Variants in IARS1 observed in about 807,000 individuals in gnomAD.
The protein encoded by IARS1 is isoleucyl-tRNA synthetase 1, also known as isoleucine--tRNA ligase, cytoplasmic.
In IARS1, 124 loss-of-function variants were observed where a neutral mutation model predicts 168.2. The ratio of observed to expected loss-of-function variants is 0.74; its 90% CI spans 0.64 to 0.86. IARS1 has a LOEUF of 0.86. IARS1 is among the 40% of genes least tolerant of loss of function. The pLI, the probability that IARS1 is intolerant of heterozygous loss-of-function variation, is 0.00. For missense variants in IARS1, 1,452 were observed against 1,515.8 expected (o/e 0.96, Z 0.70); for synonymous variants, 532 against 529.4 (o/e 1.00, Z -0.07).
chr9:92,263,299 G>A (rs1319756593), intron 16 of IARS1, among the ~76,000 whole-genome samples: 1 of 152,182 alleles, frequency 6.6e-6, no homozygotes, highest in East Asian at 1.9e-4. Flanking sequence ...AGAGCTCCCA[G>A]GAAGTCTGTG....
intron 16 of IARS1, among the ~76,000 whole-genome samples, chr9:92,264,647 C>CT (rs747252571): frequency 1.2e-4 from 19 of 152,228 alleles, no homozygotes; most frequent in South Asian, 1.2e-3. Context: ...GAACACATAA[C>CT]TTTTTTTATC....
At chr9:92,222,308 T>C (rs2133396639) in intron 33 of IARS1, among the ~76,000 whole-genome samples, 1 of 115,756 alleles carries the variant, frequency 8.6e-6, no homozygotes, top group South Asian at 2.8e-4. Context: ...GCCACTGCAC[T>C]CCAGCCTGGG....
At chr9:92,218,707 C>A (rs1839178299) in intron 33 of IARS1, among the ~76,000 whole-genome samples, 11 of 116,998 alleles carry the variant, frequency 9.4e-5, no homozygotes, top group African/African-American at 4.4e-4. Context: ...AGGAATCCAA[C>A]TTACAAGGGA....
intron 9 of IARS1, among the ~76,000 whole-genome samples, chr9:92,274,756 A>C (rs1257602742): frequency 6.6e-6 from 1 of 152,236 alleles, no homozygotes; most frequent in East Asian, 1.9e-4. Flanking sequence ...ATGGCAGATA[A>C]AAATTTCTAA....
chr9:92,210,794 T>G lies in IARS1; in HGVS notation c.*13A>C, dbSNP rs751207694. On this transcript the variant is annotated 3_prime_UTR_variant, in exon 34 of 34. Coordinates refer to ENST00000443024, the MANE Select transcript of IARS1 (RefSeq NM_002161.6). ...TAGGGAAGGGCTGACCGAACAACAT[T>G]GATAAGTACATGCTAGAAGTCTGCT... is the stretch of plus-strand genomic sequence containing the variant. 6.4e-7 allele frequency: 1 copy of G among 1,560,280 alleles called. No homozygotes were observed. The highest frequency in any genetic ancestry group is 1.1e-5 in the South Asian group (1 of 89,952).
At chr9:92,283,700 T>C (rs1834998529) in intron 6 of IARS1, among the ~76,000 whole-genome samples, 1 of 152,132 alleles carries the variant, frequency 6.6e-6, no homozygotes, top group African/African-American at 2.4e-5. Context: ...ACTTGTTATA[T>C]AACCAACTGA....
intron 26 of IARS1, among the ~76,000 whole-genome samples, chr9:92,246,029 G>A (rs1829147741): frequency 6.6e-6 from 1 of 152,076 alleles, no homozygotes. Flanking sequence ...GCCCGCCTCG[G>A]CCTCCCAAAG....
chr9:92,219,378 A>C (rs891996852), intron 33 of IARS1, among the ~76,000 whole-genome samples: 1 of 151,430 alleles, frequency 6.6e-6, no homozygotes, highest in Non-Finnish European at 1.5e-5. Flanking sequence ...CATGTCTAAA[A>C]CACCAAAAGC....
intron 1 of IARS1, among the ~76,000 whole-genome samples, chr9:92,292,799 T>C (rs1306991823): frequency 6.6e-6 from 1 of 152,224 alleles, no homozygotes; most frequent in Non-Finnish European, 1.5e-5. Flanking sequence ...TACTTCATAT[T>C]ATTTTGCCTC....
At chr9:92,277,404 C>G (rs1304348425) in intron 9 of IARS1, among the ~76,000 whole-genome samples, 1 of 152,002 alleles carries the variant, frequency 6.6e-6, no homozygotes, top group Non-Finnish European at 1.5e-5. Context: ...TATTTGCACT[C>G]CATCTCAAAA....
At chr9:92,255,584 C>T (rs1830603176) in intron 20 of IARS1, among the ~76,000 whole-genome samples, 1 of 152,162 alleles carries the variant, frequency 6.6e-6, no homozygotes, top group South Asian at 2.1e-4. Flanking sequence ...CATTATTGCT[C>T]TTCTGACTTT....
intron 23 of IARS1, among the ~76,000 whole-genome samples, chr9:92,250,494 C>A (rs1163594654): frequency 6.6e-6 from 1 of 152,182 alleles, no homozygotes; most frequent in East Asian, 1.9e-4. Context: ...ATGCCCACAC[C>A]CCACCTGCCA....
rs550658949 is a variant in IARS1, at chr9:92,270,903, A to G, written c.1205+82T>C. The G allele has an allele frequency of 1.0e-5, 9 of 899,212 alleles. No individual in the cohort carries two copies. The African/African-American group carries it at 1.5e-4, about 15-fold the overall frequency. The allele number at this position is 899,212 out of a possible 1,614,324, so 55.7% of individuals were successfully genotyped here. A position where few individuals can be genotyped will look rare whatever the true frequency, so the allele number is the denominator to read the frequency against. Reference sequence around the variant, plus strand: ...GGATACAAGTGAGATGAACACCACAAATAAGATGGAATGGGCACATATAGT... The same window carrying G: ...GGATACAAGTGAGATGAACACCACAGATAAGATGGAATGGGCACATATAGT... On this transcript the variant is annotated intron_variant, in intron 12 of 33. Coordinates refer to ENST00000443024, the MANE Select transcript of IARS1 (RefSeq NM_002161.6).
chr9:92,265,288 T>C (rs1832127076), intron 15 of IARS1, among the ~76,000 whole-genome samples, 165 bp from the exon 16 acceptor site: 1 of 152,196 alleles, frequency 6.6e-6, no homozygotes, highest in Non-Finnish European at 1.5e-5. Context: ...GAATCCTCCA[T>C]CTGAAAGGTT....
In IARS1 at chr9:92,260,156, G is replaced by A. The variant is rs1831316376; in HGVS notation, c.1866C>T (p.Ala622=). The A allele has an allele frequency of 1.9e-6, 3 of 1,608,702 alleles. No homozygotes were observed. The highest frequency in any genetic ancestry group is 2.2e-5 in the South Asian group (2 of 90,982). ...GGCAAAGCACTGGTTTGTACCTGAG[G>A]GCATCAGCACCATACTTCTGGATGA... is the stretch of plus-strand genomic sequence containing the variant. ...VSIIQKYGAD[A]LRLYLINSPV... The change falls in exon 18 of 34, where the codon GCC becomes GCT. Residue 622 remains alanine, a synonymous_variant. Coordinates refer to ENST00000443024, the MANE Select transcript of IARS1 (RefSeq NM_002161.6).
intron 31 of IARS1, among the ~76,000 whole-genome samples, chr9:92,226,512 A>G (rs1482808724): frequency 6.6e-6 from 1 of 152,228 alleles, no homozygotes; most frequent in Non-Finnish European, 1.5e-5. Flanking sequence ...AATGAGTATT[A>G]GTTTTCTGAG....
At chr9:92,215,166 A>G (rs954421577) in intron 33 of IARS1, among the ~76,000 whole-genome samples, 2 of 152,210 alleles carry the variant, frequency 1.3e-5, no homozygotes, top group African/African-American at 4.8e-5. Context: ...GGGCACACTG[A>G]TACCTCACAC....
At chr9:92,228,580 G>A (rs1020430202) in intron 31 of IARS1, among the ~76,000 whole-genome samples, 1 of 83,754 alleles carries the variant, frequency 1.2e-5, no homozygotes, top group Non-Finnish European at 2.0e-5. Flanking sequence ...AAGCATGGTG[G>A]TGGCATGCCT....
chr9:92,230,529 T>C (rs1407448931), intron 30 of IARS1, among the ~76,000 whole-genome samples: 1 of 152,226 alleles, frequency 6.6e-6, no homozygotes, highest in East Asian at 1.9e-4. Flanking sequence ...ATTTATCTGC[T>C]GAAGAATATC....
Sources: gnomAD v4.1 joint callset for allele counts (sites outside exome capture counted in the v4.1 genomes callset) on GRCh38, gnomAD v4.1.1 for gene constraint, MANE v1.5 for transcripts, NCBI Gene and HGNC (gene_info 2026-07-23, HGNC 2026-07-21) for gene names.